PLA2G2C: variants seen among roughly 807,000 people sequenced by gnomAD.
PLA2G2C encodes putative inactive group IIC secretory phospholipase A2.
Under a neutral mutation model 14.3 loss-of-function variants are expected in PLA2G2C, and 15 were observed. The observed-to-expected ratio is 1.05, with a 90% CI of 0.70 to 1.62. PLA2G2C has a LOEUF of 1.62. PLA2G2C is among the 40% of genes most tolerant of loss of function. PLA2G2C has a pLI of 0.00. For synonymous variants in PLA2G2C, 79 were observed against 67.7 expected (o/e 1.17, Z -0.82); for missense variants, 162 against 173.2 (o/e 0.94, Z 0.36).
intron 1 of PLA2G2C, 129 bp downstream of exon 1, chr1:20,186,231 C>T (rs1363358227): frequency 6.6e-6 from 1 of 152,330 alleles, no homozygotes; most frequent in Non-Finnish European, 1.5e-5. Flanking sequence ...GGCCAGTCCC[C>T]GAGACCCCAG....
At chr1:20,176,501 TC>T (rs2018186344) in intron 2 of PLA2G2C, among the ~76,000 whole-genome samples, 1 of 152,220 alleles carries the variant, frequency 6.6e-6, no homozygotes, top group African/African-American at 2.4e-5. Flanking sequence ...GTGCCTTCGA[TC>T]TCACTATCGT....
intron 1 of PLA2G2C, 196 bp downstream of exon 1, chr1:20,186,164 C>T (rs1389173220): frequency 6.6e-6 from 1 of 152,480 alleles, no homozygotes; most frequent in Non-Finnish European, 1.5e-5. Context: ...GTGAGAGCGG[C>T]TGCCCGATCC....
chr1:20,172,813 G>A lies in PLA2G2C; in HGVS notation c.264C>T (p.Ile88=), dbSNP rs780076737. 20 of 1,613,484 alleles carry A rather than the reference G, an allele frequency of 1.2e-5. No homozygotes were observed. The highest frequency in any genetic ancestry group is 5.5e-5 in the South Asian group (5 of 91,056). The stretch of plus-strand genomic sequence containing the variant: ...ACTCACAAACCACTGCGCCATTGAC[G>A]ATGTGGAACTGGTAGCTGTTCAACA... ...QPVLNSYQFH[I]VNGAVVCGCT... is the part of the protein sequence containing the mutation. Residue 88 remains isoleucine (I), a synonymous_variant, in exon 4 of 5, where the codon ATC becomes ATT. Coordinates refer to ENST00000679259, the MANE Select transcript of PLA2G2C (RefSeq NM_001367969.2).
At position 20,172,375 on chromosome 1, in the gene PLA2G2C, A is replaced by T. The variant is rs189194290; in HGVS notation, c.283+419T>A. The stretch of plus-strand genomic sequence containing the variant: ...TATTTGCTTTTGTGGCCCTGGCAGC[A>T]CCTATCTTAGTGCTTGGCATGCAGT... On this transcript the variant is annotated intron_variant, in intron 4 of 4. Transcript: ENST00000679259. 8.8e-4 allele frequency among the ~76,000 whole-genome samples: 134 copies of T among 152,224 alleles called. 1 individual carries two copies. Among genetic ancestry groups the T allele is most frequent in the Middle Eastern group, 3.4e-3 (1 of 294 alleles).
At chr1:20,178,168 G>T (rs1406657720) in intron 1 of PLA2G2C, among the ~76,000 whole-genome samples, 1 of 152,238 alleles carries the variant, frequency 6.6e-6, no homozygotes, top group East Asian at 1.9e-4. Context: ...ATTCCGATTA[G>T]TATGGGTAAT....
In PLA2G2C at chr1:20,177,377, AG is replaced by A. The variant is rs774386390; in HGVS notation, c.-15del. 9.1e-5 allele frequency: 63 copies of A among 692,730 alleles called. No homozygotes were observed. Among genetic ancestry groups the A allele is most frequent in the South Asian group, 7.6e-4 (50 of 66,170 alleles). 42.9% of individuals were successfully genotyped at this position (692,730 alleles called of 1,614,324 possible). On this transcript the variant is annotated 5_prime_UTR_variant, in exon 2 of 5. Coordinates refer to ENST00000679259, the MANE Select transcript of PLA2G2C (RefSeq NM_001367969.2). ...AATGACCTTCATTCCTGAGGAGACC[AG>A]GGGGTCTGAGGTTCTACAGCCACGC... is the stretch of plus-strand genomic sequence containing the variant.
At chr1:20,170,701 G>GTGTCACAGAAAAGA (rs1553183840) in intron 4 of PLA2G2C, among the ~76,000 whole-genome samples, 5 of 144,958 alleles carry the variant, frequency 3.4e-5, no homozygotes, top group African/African-American at 5.2e-5. Context: ...AGCTGAGGAG[G>GTGTCACAGAAAAGA]CGGGTGCTGA....
intron 4 of PLA2G2C, among the ~76,000 whole-genome samples, chr1:20,169,913 T>A (rs1373340393): frequency 6.6e-6 from 1 of 152,188 alleles, no homozygotes; most frequent in African/African-American, 2.4e-5. Context: ...GGCAGAGCAT[T>A]CTGACCAGTT....
chr1:20,177,001 C>T (rs2018196455), intron 2 of PLA2G2C, among the ~76,000 whole-genome samples: 1 of 152,080 alleles, frequency 6.6e-6, no homozygotes, highest in Non-Finnish European at 1.5e-5. Context: ...ATCCAAATGG[C>T]CTTAAATAAA....
intron 4 of PLA2G2C, among the ~76,000 whole-genome samples, chr1:20,171,813 G>C (rs1393724781): frequency 6.9e-6 from 1 of 144,952 alleles, no homozygotes; most frequent in Non-Finnish European, 1.5e-5. Flanking sequence ...CCAGGCGGGA[G>C]TGCAGTGGCG....
chr1:20,166,945 T>C (rs944394535), intron 4 of PLA2G2C, among the ~76,000 whole-genome samples: 3 of 152,238 alleles, frequency 2.0e-5, no homozygotes, highest in African/African-American at 7.2e-5. Flanking sequence ...AAACCGTCTT[T>C]GGAGGCCACC....
At chr1:20,176,878 G>T (rs747460735) in intron 2 of PLA2G2C, among the ~76,000 whole-genome samples, 9 of 152,180 alleles carry the variant, frequency 5.9e-5, no homozygotes, top group Non-Finnish European at 1.2e-4. Context: ...GGATCTCCCG[G>T]CAGCAATGAC....
At chr1:20,177,160 G>C (rs1023158108) in intron 2 of PLA2G2C, among the ~76,000 whole-genome samples, 164 bp downstream of exon 2, 1 of 152,172 alleles carries the variant, frequency 6.6e-6, no homozygotes, top group Admixed American at 6.5e-5. Context: ...TTTTATAGCA[G>C]AAACAGAAGC....
chr1:20,176,802 C>T (rs2018191901), intron 2 of PLA2G2C, among the ~76,000 whole-genome samples: 1 of 152,220 alleles, frequency 6.6e-6, no homozygotes, highest in Non-Finnish European at 1.5e-5. Flanking sequence ...AAGAGTCTAT[C>T]AGTCTCCAGT....
intron 4 of PLA2G2C, among the ~76,000 whole-genome samples, chr1:20,168,248 C>G (rs12025316): frequency 0.12 from 18,357 of 152,246 alleles, 1,610 homozygotes; most frequent in East Asian, 0.48. Flanking sequence ...AAGATACGTG[C>G]ACTGCCTATT....
At chr1:20,164,319 T>C (rs139884183) in intron 4 of PLA2G2C, among the ~76,000 whole-genome samples, 162 bp from the exon 5 acceptor site, 4 of 152,332 alleles carry the variant, frequency 2.6e-5, no homozygotes, top group African/African-American at 9.6e-5. Context: ...CATGTGTGTG[T>C]GTGCATATGC....
In PLA2G2C at chr1:20,164,175, G is replaced by A; in HGVS notation, c.284-18C>T. 1.2e-6 allele frequency: 2 copies of A among 1,603,416 alleles called. No individual in the cohort carries two copies. The highest frequency in any genetic ancestry group is 2.2e-5 in the East Asian group (1 of 44,706). On this transcript the variant is annotated intron_variant, in intron 4 of 4. Coordinates refer to ENST00000679259, the MANE Select transcript of PLA2G2C (RefSeq NM_001367969.2). ...GCATCCACCTACAGAGACACAGAGG[G>A]TCACTGGGGGCTCCCAGCCCAGCCC...
rs2017910717 is a variant in PLA2G2C at position 20,163,802 on chromosome 1, A to G, written c.*189T>C. ...CTCATCTTTCCCATTTCTGCTCTCC[A>G]GCCCTCTGATGCTGAACGACAGGGA... On this transcript the variant is annotated 3_prime_UTR_variant, in exon 5 of 5. Coordinates refer to ENST00000679259, the MANE Select transcript of PLA2G2C (RefSeq NM_001367969.2). The G allele has an allele frequency of 1.6e-6, 1 of 626,032 alleles. No individual in the cohort carries two copies. Among genetic ancestry groups the G allele is most frequent in the Admixed American group, 3.2e-5 (1 of 30,784 alleles). The allele number at this position is 626,032 out of a possible 1,614,324, so 38.8% of individuals were successfully genotyped here.
Position 20,175,108 on chromosome 1 carries a change from C to T in PLA2G2C, c.78G>A (p.Arg26=), listed in dbSNP as rs1209052395. ...CACTTCGCCCCGTGATGTGTTTGAC[C>T]CTCCTCTGAAACTGCCAGAAACTGC... ...THSSFWQFQR[R]VKHITGRSAF... The change falls in exon 3 of 5, where the codon AGG becomes AGA. Residue 26 remains arginine (R), a synonymous_variant. Transcript: ENST00000679259. 5 of 1,613,774 alleles carry T rather than the reference C, an allele frequency of 3.1e-6. No individual in the cohort carries two copies. Among genetic ancestry groups the T allele is most frequent in the Non-Finnish European group, 4.2e-6 (5 of 1,179,860 alleles).
Sources: gnomAD v4.1 joint callset for allele counts (sites outside exome capture counted in the v4.1 genomes callset) on GRCh38, gnomAD v4.1.1 for gene constraint, MANE v1.5 for transcripts, NCBI Gene and HGNC (gene_info 2026-07-23, HGNC 2026-07-21) for gene names.